MDGA2: variants seen among roughly 807,000 people sequenced by gnomAD.
MDGA2 encodes the protein MAM domain-containing glycosylphosphatidylinositol anchor protein 2.
Under a neutral mutation model 117.8 loss-of-function variants are expected in MDGA2, and 40 were observed. That is an observed-to-expected ratio of 0.34 (90% CI 0.26 to 0.44). The LOEUF (loss-of-function observed/expected upper bound fraction) is 0.44, where lower values mean the gene tolerates loss of function less well. Among genes scored for constraint, MDGA2 ranks in the 20% least tolerant of loss-of-function variants. The pLI, the probability that MDGA2 is intolerant of heterozygous loss-of-function variation, is 1.00. For synonymous variants in MDGA2, 452 were observed against 439.0 expected (o/e 1.03, Z -0.37); for missense variants, 1,123 against 1,250.6 (o/e 0.90, Z 1.54).
At chr14:47,400,686 G>GAAAC (rs1234087098) in intron 1 of MDGA2, among the ~76,000 whole-genome samples, 2 of 141,694 alleles carry the variant, frequency 1.4e-5, no homozygotes, top group South Asian at 2.3e-4. Flanking sequence ...ACTCCGTCTC[G>GAAAC]AAACAAACAA....
At chr14:47,059,188 T>G in intron 7 of MDGA2, 1 of 847,334 alleles carries the variant, frequency 1.2e-6, no homozygotes, top group South Asian at 1.6e-5. Flanking sequence ...AATTATCTGT[T>G]TAGTACCTTC....
chr14:47,111,495 T>G (rs1321663985), intron 5 of MDGA2, among the ~76,000 whole-genome samples: 1 of 152,094 alleles, frequency 6.6e-6, no homozygotes, highest in African/African-American at 2.4e-5. Context: ...TGCAGAAATA[T>G]TCACCATCCA....
intron 2 of MDGA2, chr14:47,299,329 A>G (rs1039462632): frequency 1.3e-5 from 2 of 152,202 alleles, no homozygotes; most frequent in Non-Finnish European, 2.9e-5. Context: ...GGGGTATGTT[A>G]GAAACAGAGA....
In MDGA2 at chr14:47,313,467, G is replaced by A. The variant is rs554941107; in HGVS notation, c.281-11917C>T. ...TCTTCTTCCTCTTTTGTTTTGTTTT[G>A]TTTTGTTTTGTAGAGATGGGGTCTC... On this transcript the variant is annotated intron_variant, in intron 1 of 16. Transcript: ENST00000399232. Among the ~76,000 whole-genome samples, 15 of 151,876 alleles carry A rather than the reference G, an allele frequency of 9.9e-5. 1 individual carries two copies. In the South Asian group the frequency reaches 3.1e-3, roughly 32 times the overall value.
intron 2 of MDGA2, among the ~76,000 whole-genome samples, chr14:47,247,109 C>T (rs562695207): frequency 6.6e-6 from 1 of 151,846 alleles, no homozygotes; most frequent in South Asian, 2.1e-4. Context: ...TAACCAGTGT[C>T]TTTTGGTCTC....
downstream of MDGA2, among the ~76,000 whole-genome samples, chr14:46,839,761 G>C (rs558426269): frequency 4.6e-5 from 7 of 151,998 alleles, no homozygotes; most frequent in African/African-American, 1.7e-4. Flanking sequence ...AAACTCATTT[G>C]TTTATTATGT....
intron 10 of MDGA2, among the ~76,000 whole-genome samples, chr14:46,908,994 G>A (rs1019754265): frequency 2.0e-5 from 3 of 152,070 alleles, no homozygotes; most frequent in Non-Finnish European, 4.4e-5. Flanking sequence ...GAATTTTAAC[G>A]ATGCCAGCTT....
At chr14:47,616,097 T>C (rs1040160187) in intron 1 of MDGA2, among the ~76,000 whole-genome samples, 1 of 152,152 alleles carries the variant, frequency 6.6e-6, no homozygotes, top group Non-Finnish European at 1.5e-5. Flanking sequence ...ATAAGACCAA[T>C]AAGCACTGTG....
At chr14:47,493,202 C>A (rs1440221657) in intron 1 of MDGA2, among the ~76,000 whole-genome samples, 1 of 151,156 alleles carries the variant, frequency 6.6e-6, no homozygotes, top group African/African-American at 2.4e-5. Context: ...CAGTTATTCC[C>A]CATCTCTGAA....
chr14:46,924,524 C>T (rs563841155), intron 9 of MDGA2, among the ~76,000 whole-genome samples: 2 of 152,072 alleles, frequency 1.3e-5, no homozygotes, highest in South Asian at 2.1e-4. Context: ...AAGAATTACA[C>T]AGGTTTATAG....
intron 5 of MDGA2, among the ~76,000 whole-genome samples, chr14:47,110,245 TA>T (rs1880965523): frequency 6.6e-6 from 1 of 152,146 alleles, no homozygotes; most frequent in Non-Finnish European, 1.5e-5. Context: ...TTATTTTTAA[TA>T]AACCATGTAA....
intron 2 of MDGA2, among the ~76,000 whole-genome samples, chr14:47,243,051 C>A (rs1277657359): frequency 4.0e-5 from 6 of 151,626 alleles, no homozygotes; most frequent in Admixed American, 3.3e-4. Context: ...CGTGCAGAAC[C>A]TTTACATCTA....
intron 7 of MDGA2, among the ~76,000 whole-genome samples, chr14:47,054,998 TTTTC>T (rs1490867325): frequency 2.8e-5 from 2 of 70,222 alleles, no homozygotes; most frequent in Non-Finnish European, 5.2e-5. Flanking sequence ...TTTTTTTTTC[TTTTC>T]TTTTTTTTTT....
intron 9 of MDGA2, among the ~76,000 whole-genome samples, chr14:46,952,026 G>T (rs895744876): frequency 5.3e-5 from 8 of 151,854 alleles, no homozygotes; most frequent in African/African-American, 1.9e-4. Context: ...CTGAAAAAGG[G>T]ATACAATAGT....
intron 1 of MDGA2, among the ~76,000 whole-genome samples, chr14:47,560,435 G>A (rs748219629): frequency 6.6e-6 from 1 of 152,100 alleles, no homozygotes; most frequent in Non-Finnish European, 1.5e-5. Flanking sequence ...TTGTGGTTTT[G>A]ATTTGCATTT....
At chr14:47,517,979 G>A (rs1894790539) in intron 1 of MDGA2, among the ~76,000 whole-genome samples, 1 of 152,024 alleles carries the variant, frequency 6.6e-6, no homozygotes, top group South Asian at 2.1e-4. Flanking sequence ...CCCATGATGA[G>A]GAGAGAAAAA....
rs531218672 is a variant in MDGA2, at chr14:47,433,247, A to G, written c.281-131697T>C. ...CTATTAGACATAGAAACCTTAAAACAGCAGAGTTGTCCTTCTGGGAAACAG... is the reference window on the plus strand; with the variant it reads ...CTATTAGACATAGAAACCTTAAAACGGCAGAGTTGTCCTTCTGGGAAACAG... On this transcript the variant is annotated intron_variant, in intron 1 of 16. Coordinates refer to ENST00000399232, the MANE Select transcript of MDGA2 (RefSeq NM_001113498.3). Among the ~76,000 whole-genome samples the G allele has an allele frequency of 2.2e-4, 33 of 152,238 alleles. No individual in the cohort carries two copies. The South Asian group carries it at 6.4e-3, about 30-fold the overall frequency.
At chr14:47,566,141 C>A (rs927205309) in intron 1 of MDGA2, among the ~76,000 whole-genome samples, 1 of 152,160 alleles carries the variant, frequency 6.6e-6, no homozygotes, top group Non-Finnish European at 1.5e-5. Context: ...TGAGTGTGTG[C>A]CAGTGAAGTA....
chr14:47,100,547 A>G (rs1196056871), intron 5 of MDGA2, among the ~76,000 whole-genome samples: 1 of 152,126 alleles, frequency 6.6e-6, no homozygotes, highest in Non-Finnish European at 1.5e-5. Flanking sequence ...ACAGAATGTA[A>G]ATGTCCATTG....
Sources: allele counts gnomAD v4.1 joint callset (sites outside exome capture counted in the v4.1 genomes callset), GRCh38; gene constraint gnomAD v4.1.1; transcripts MANE v1.5; gene names NCBI Gene and HGNC (gene_info 2026-07-23, HGNC 2026-07-21).